Variants in ADGRG7 observed in about 807,000 individuals in gnomAD.
ADGRG7 encodes the protein adhesion G protein-coupled receptor G7.
In ADGRG7, 82 loss-of-function variants were observed where a neutral mutation model predicts 88.6. The observed-to-expected ratio is 0.93, with a 90% CI of 0.77 to 1.11. ADGRG7 has a LOEUF of 1.11. ADGRG7 is among the 50% of genes most tolerant of loss of function. The probability of loss-of-function intolerance (pLI) is 0.00; values close to 1 mark genes in which losing one functional copy is unlikely to be tolerated. For missense variants in ADGRG7, 945 were observed against 953.4 expected, an observed-to-expected ratio of 0.99 and a Z score of 0.12; for synonymous variants, 381 against 345.2, an observed-to-expected ratio of 1.10 and a Z score of -1.15.
intron 6 of ADGRG7, among the ~76,000 whole-genome samples, chr3:100,638,040 G>A (rs770795967): frequency 1.6e-4 from 25 of 152,210 alleles, no homozygotes; most frequent in Non-Finnish European, 3.4e-4. Context: ...GCAACCCCAA[G>A]GCCCCAGAGG....
intron 11 of ADGRG7, among the ~76,000 whole-genome samples, chr3:100,653,301 T>C (rs1230929291): frequency 6.6e-6 from 1 of 152,246 alleles, no homozygotes; most frequent in Non-Finnish European, 1.5e-5. Flanking sequence ...GTAAGCTGAA[T>C]ATTACCTAAT....
chr3:100,663,369 A>T (rs1000283046), intron 14 of ADGRG7, among the ~76,000 whole-genome samples: 32 of 152,098 alleles, frequency 2.1e-4, no homozygotes, highest in African/African-American at 7.7e-4. Flanking sequence ...TTACATTTGC[A>T]TTTCTACAGA....
chr3:100,624,380 A>G (rs1217845450), intron 1 of ADGRG7, among the ~76,000 whole-genome samples: 3 of 151,978 alleles, frequency 2.0e-5, no homozygotes, highest in African/African-American at 7.3e-5. Flanking sequence ...CCACTTTTTG[A>G]TAGGATTGTT....
chr3:100,633,589 G>A (rs1291580529), intron 4 of ADGRG7, among the ~76,000 whole-genome samples: 6 of 152,070 alleles, frequency 3.9e-5, no homozygotes, highest in South Asian at 4.1e-4. Flanking sequence ...CAATGGCACC[G>A]TCTCGGCTCA....
intron 10 of ADGRG7, among the ~76,000 whole-genome samples, chr3:100,649,442 C>A (rs2094925119): frequency 6.6e-6 from 1 of 152,196 alleles, no homozygotes; most frequent in South Asian, 2.1e-4. Flanking sequence ...CCTGCAAATA[C>A]CAAGACATGA....
chr3:100,635,878 T>G (rs1707532741), intron 5 of ADGRG7, 52 bp downstream of exon 5: 1 of 1,360,456 alleles, frequency 7.4e-7, no homozygotes, highest in African/African-American at 1.5e-5. Context: ...TTAGAGGGGG[T>G]GTTGGGAAAG....
chr3:100,641,543 A>C (rs76510748), intron 6 of ADGRG7, among the ~76,000 whole-genome samples: 3,541 of 152,360 alleles, frequency 0.023, 108 homozygotes, highest in African/African-American at 0.069. Flanking sequence ...CTAGTCATTT[A>C]CAGAACAAGA....
At chr3:100,692,318 A>G (rs891760900) in intron 15 of ADGRG7, among the ~76,000 whole-genome samples, 7 of 152,192 alleles carry the variant, frequency 4.6e-5, no homozygotes, top group African/African-American at 1.7e-4. Context: ...TCAGTTCTTT[A>G]TGATTGTCAG....
At chr3:100,688,840 G>T (rs1304305374) in intron 15 of ADGRG7, among the ~76,000 whole-genome samples, 1 of 152,128 alleles carries the variant, frequency 6.6e-6, no homozygotes, top group Admixed American at 6.6e-5. Flanking sequence ...GTGCTGAAAA[G>T]AATGTATATT....
chr3:100,629,514 G>C, intron 1 of ADGRG7, 84 bp from the exon 2 acceptor site: 1 of 815,188 alleles, frequency 1.2e-6, no homozygotes, highest in South Asian at 1.5e-5. Context: ...GTGGTTTTAC[G>C]TGTAGAAATT....
intron 1 of ADGRG7, among the ~76,000 whole-genome samples, chr3:100,611,734 G>A (rs11919256): frequency 0.025 from 3,782 of 152,330 alleles, 165 homozygotes; most frequent in African/African-American, 0.087. Flanking sequence ...TGGAAAAGGA[G>A]AGGGTTCTCA....
At chr3:100,628,093 A>G (rs1394380261) in intron 1 of ADGRG7, among the ~76,000 whole-genome samples, 2 of 152,042 alleles carry the variant, frequency 1.3e-5, no homozygotes, top group Non-Finnish European at 2.9e-5. Flanking sequence ...TTGCAACCCC[A>G]AAGAGTTTCC....
intron 6 of ADGRG7, among the ~76,000 whole-genome samples, chr3:100,637,832 T>C (rs1707571038): frequency 6.6e-6 from 1 of 152,212 alleles, no homozygotes; most frequent in African/African-American, 2.4e-5. Context: ...CTGGTATATT[T>C]TGATTATTTT....
chr3:100,630,967 GGTA>G (rs1195029356), intron 3 of ADGRG7, among the ~76,000 whole-genome samples, 158 bp downstream of exon 3: 2 of 152,072 alleles, frequency 1.3e-5, no homozygotes, highest in Non-Finnish European at 2.9e-5. Context: ...CAAAACTTAA[GGTA>G]GTATCTCACA....
At chr3:100,654,711 T>C (rs2094935130) in intron 11 of ADGRG7, 124 bp from the exon 12 acceptor site, 2 of 602,398 alleles carry the variant, frequency 3.3e-6, no homozygotes, top group Non-Finnish European at 5.8e-6. Flanking sequence ...CTGTCACAAC[T>C]GGGCTATGAA....
rs1270127328 is a variant in ADGRG7, at chr3:100,633,372, A to T, written c.442A>T (p.Lys148Ter). 1.8e-5 allele frequency: 29 copies of T among 1,573,624 alleles called. No individual in the cohort carries two copies. In the Admixed American group the frequency reaches 5.2e-4, roughly 28 times the overall value. ...NCNENLETLE[K>*]QVKDVTAPLN... is the part of the protein sequence containing the mutation. Reference sequence around the variant, plus strand: ...CAATGAAAATCTGGAAACCCTGGAAAAGCAGGTATGCCATATGACTCACTG... The same window carrying T: ...CAATGAAAATCTGGAAACCCTGGAATAGCAGGTATGCCATATGACTCACTG... The change falls in exon 4 of 16, where the codon AAG becomes TAG. Residue 148 changes from lysine (K) to a stop codon, truncating the protein, a stop_gained. Coordinates refer to ENST00000273352, the MANE Select transcript of ADGRG7 (RefSeq NM_032787.3). LOFTEE classifies it high-confidence loss of function.
At position 100,630,686 on chromosome 3, in the gene ADGRG7, C is replaced by CT. The variant is rs1707448183; in HGVS notation, c.230-14dup. On this transcript the variant is annotated intron_variant, in intron 2 of 15. Transcript: ENST00000273352. ...TTAAAATACAATTTATAATAAAGAA[C>CT]TTTTTCTCTTTATTACAGCTAATTT... 1 of 1,177,924 alleles carries CT rather than the reference C, an allele frequency of 8.5e-7. No homozygotes were observed. The highest frequency in any genetic ancestry group is 3.0e-5 in the Admixed American group (1 of 33,880). The allele number at this position is 1,177,924 out of a possible 1,614,324, so 73.0% of individuals were successfully genotyped here.
At chr3:100,628,616 A>T (rs1707415716) in intron 1 of ADGRG7, among the ~76,000 whole-genome samples, 1 of 152,116 alleles carries the variant, frequency 6.6e-6, no homozygotes, top group South Asian at 2.1e-4. Context: ...TCAGCCTCCC[A>T]AAGTGTTGGG....
At chr3:100,656,340 A>G (rs2094937480) in intron 13 of ADGRG7, among the ~76,000 whole-genome samples, 1 of 152,208 alleles carries the variant, frequency 6.6e-6, no homozygotes, top group Non-Finnish European at 1.5e-5. Context: ...TGGGAATAAC[A>G]ATAATAGTAA....
Sources: gnomAD v4.1 joint callset for allele counts (sites outside exome capture counted in the v4.1 genomes callset) on GRCh38, gnomAD v4.1.1 for gene constraint, MANE v1.5 for transcripts, NCBI Gene and HGNC (gene_info 2026-07-23, HGNC 2026-07-21) for gene names.